The following CNTNAP2 variants were observed in gnomAD, a reference collection of about 807,000 sequenced individuals.
CNTNAP2 encodes the protein contactin-associated protein-like 2.
In CNTNAP2, 98 loss-of-function variants were observed where a neutral mutation model predicts 155.2. That is an observed-to-expected ratio of 0.63 (90% CI 0.54 to 0.75). The LOEUF is 0.75. Ranked by LOEUF, CNTNAP2 falls within the 30% of genes least tolerant of loss-of-function variation. The probability of loss-of-function intolerance (pLI) is 0.00; values close to 1 mark genes in which losing one functional copy is unlikely to be tolerated. For missense variants in CNTNAP2, 1,727 were observed against 1,688.1 expected, an observed-to-expected ratio of 1.02 and a Z score of -0.40; for synonymous variants, 651 against 631.2, an observed-to-expected ratio of 1.03 and a Z score of -0.47.
At chr7:147,299,397 C>A (rs1342403574) in intron 8 of CNTNAP2, among the ~76,000 whole-genome samples, 1 of 151,184 alleles carries the variant, frequency 6.6e-6, no homozygotes, top group African/African-American at 2.4e-5. Context: ...AATGAAGTGC[C>A]ATTGTTGGGG....
intron 22 of CNTNAP2, among the ~76,000 whole-genome samples, chr7:148,396,212 T>C (rs1799464731): frequency 6.6e-6 from 1 of 150,682 alleles, no homozygotes; most frequent in Admixed American, 6.6e-5. Flanking sequence ...TTTTGCGTCA[T>C]GCTCGTGCTA....
intron 15 of CNTNAP2, among the ~76,000 whole-genome samples, chr7:148,012,165 C>G (rs992559856): frequency 6.6e-6 from 1 of 152,192 alleles, no homozygotes; most frequent in Non-Finnish European, 1.5e-5. Flanking sequence ...TGATCTTCCC[C>G]CCTCAGTCTC....
intron 1 of CNTNAP2, among the ~76,000 whole-genome samples, chr7:146,591,767 A>G (rs546149301): frequency 6.6e-6 from 1 of 152,246 alleles, no homozygotes; most frequent in East Asian, 1.9e-4. Flanking sequence ...CACTACTCTG[A>G]CAGCATCACC....
intron 13 of CNTNAP2, among the ~76,000 whole-genome samples, chr7:147,787,314 C>T (rs1376243173): frequency 1.3e-5 from 2 of 152,118 alleles, no homozygotes; most frequent in Non-Finnish European, 2.9e-5. Flanking sequence ...CAGTATCAGC[C>T]AGGTACAGCT....
intron 3 of CNTNAP2, among the ~76,000 whole-genome samples, chr7:146,945,697 G>A (rs1013172768): frequency 3.3e-5 from 5 of 152,022 alleles, no homozygotes; most frequent in African/African-American, 1.2e-4. Flanking sequence ...TTCTTGTCTC[G>A]AAGGGCTTTC....
chr7:146,697,298 C>T (rs2533103), intron 1 of CNTNAP2, among the ~76,000 whole-genome samples: 123,229 of 151,898 alleles, frequency 0.81, 50,876 homozygotes, highest in South Asian at 0.93. Flanking sequence ...AGTGCTGTGG[C>T]GCAATCTTGG....
At chr7:148,102,439 G>T (rs1178645870) in intron 15 of CNTNAP2, among the ~76,000 whole-genome samples, 2 of 152,176 alleles carry the variant, frequency 1.3e-5, no homozygotes, top group Non-Finnish European at 2.9e-5. Context: ...GCACATTTGT[G>T]TGCAGGTGTC....
chr7:148,097,078 A>G (rs1220612128), intron 15 of CNTNAP2, among the ~76,000 whole-genome samples: 1 of 152,170 alleles, frequency 6.6e-6, no homozygotes, highest in Non-Finnish European at 1.5e-5. Context: ...ATCGTGGTAC[A>G]TGTCTTTGTG....
chr7:147,417,459 TG>T (rs1461924242), intron 10 of CNTNAP2, among the ~76,000 whole-genome samples: 1 of 152,132 alleles, frequency 6.6e-6, no homozygotes, highest in Non-Finnish European at 1.5e-5. Flanking sequence ...TTCGTGAAAG[TG>T]GGGCCCTCCT....
chr7:148,355,166 CTTTTTTT>C (rs1167992306), intron 21 of CNTNAP2, among the ~76,000 whole-genome samples: 14 of 41,020 alleles, frequency 3.4e-4, no homozygotes, highest in Non-Finnish European at 4.1e-4. Context: ...CCGCCAGCTG[CTTTTTTT>C]TTTTTTTTTT....
At position 148,420,122 on chromosome 7, in the gene CNTNAP2, C is replaced by G. The variant is rs549184907; in HGVS notation, c.*4506C>G. On this transcript the variant is annotated 3_prime_UTR_variant, in exon 24 of 24. Transcript: ENST00000361727. ...TTATTAATCATGCAGACTAACCTGT[C>G]AACACTGGGAGATGCAACATAGCAA... 2 of 152,294 alleles carry G rather than the reference C, an allele frequency of 1.3e-5. No individual in the cohort carries two copies. The highest frequency in any genetic ancestry group is 4.2e-4 in the South Asian group (2 of 4,814). The allele number at this position is 152,294 out of a possible 1,614,324, so 9.4% of individuals were successfully genotyped here. A position where few individuals can be genotyped will look rare whatever the true frequency, so the allele number is the denominator to read the frequency against.
intron 21 of CNTNAP2, among the ~76,000 whole-genome samples, chr7:148,300,758 C>T (rs1437327880): frequency 2.1e-4 from 32 of 152,130 alleles, no homozygotes; most frequent in Non-Finnish European, 2.9e-5. Context: ...GGGAAATAAG[C>T]CAGTTACAAA....
At chr7:147,555,449 G>A (rs992353158) in intron 11 of CNTNAP2, among the ~76,000 whole-genome samples, 3 of 152,076 alleles carry the variant, frequency 2.0e-5, no homozygotes, top group East Asian at 1.9e-4. Context: ...GCATGTGATC[G>A]CCTCCAGTAT....
chr7:146,862,495 AAAAC>A (rs994647297), intron 3 of CNTNAP2, among the ~76,000 whole-genome samples: 16 of 152,256 alleles, frequency 1.1e-4, no homozygotes, highest in South Asian at 2.1e-4. Context: ...AAAAAAACAA[AAAAC>A]AAACAAAAAA....
chr7:146,695,386 T>G (rs1309935039), intron 1 of CNTNAP2, among the ~76,000 whole-genome samples: 1 of 150,674 alleles, frequency 6.6e-6, no homozygotes, highest in Non-Finnish European at 1.5e-5. Flanking sequence ...TAAATTACAT[T>G]GATTTTTAAA....
intron 13 of CNTNAP2, among the ~76,000 whole-genome samples, chr7:147,699,283 A>G (rs1664355729): frequency 6.6e-6 from 1 of 151,818 alleles, no homozygotes; most frequent in Admixed American, 6.6e-5. Context: ...AAAAGGAATG[A>G]GTTCATGTCC....
At chr7:147,141,046 C>A (rs760258655) in intron 8 of CNTNAP2, among the ~76,000 whole-genome samples, 1 of 152,108 alleles carries the variant, frequency 6.6e-6, no homozygotes. Context: ...TGTGCTAAAG[C>A]CTTTGCATTA....
chr7:147,161,843 G>A (rs1413485098), intron 8 of CNTNAP2: 1 of 152,074 alleles, frequency 6.6e-6, no homozygotes, highest in East Asian at 1.9e-4. Context: ...TTCATTCCAG[G>A]AACTCTAATG....
chr7:147,760,387 G>A (rs1402091271), intron 13 of CNTNAP2, among the ~76,000 whole-genome samples: 1 of 152,102 alleles, frequency 6.6e-6, no homozygotes, highest in Non-Finnish European at 1.5e-5. Context: ...TCTGCTCTCA[G>A]CATTCTTACT....
Sources: gnomAD v4.1 joint callset for allele counts (sites outside exome capture counted in the v4.1 genomes callset) on GRCh38, gnomAD v4.1.1 for gene constraint, MANE v1.5 for transcripts, NCBI Gene and HGNC (gene_info 2026-07-23, HGNC 2026-07-21) for gene names.